Variants in DEK observed in about 807,000 individuals in gnomAD.
The protein encoded by DEK is protein DEK.
Under a neutral mutation model 46.8 loss-of-function variants are expected in DEK, and 28 were observed. The ratio of observed to expected loss-of-function variants is 0.60; its 90% CI spans 0.44 to 0.82. The LOEUF is 0.82. Ranked by LOEUF, DEK falls within the 40% of genes least tolerant of loss-of-function variation. The pLI, the probability that DEK is intolerant of heterozygous loss-of-function variation, is 0.00. For synonymous variants in DEK, 160 were observed against 144.5 expected (o/e 1.11, Z -0.77); for missense variants, 416 against 430.6 (o/e 0.97, Z 0.30).
chr6:18,261,020 T>C (rs12198777), intron 2 of DEK, among the ~76,000 whole-genome samples: 24,205 of 148,132 alleles, frequency 0.16, 2,336 homozygotes, highest in East Asian at 0.25. Flanking sequence ...AAACCTCTAC[T>C]AGGGCAGTGT....
chr6:18,249,752 T>C lies in DEK; in HGVS notation c.661A>G (p.Lys221Glu), dbSNP rs994009625. 1 of 1,613,990 alleles carries C rather than the reference T, an allele frequency of 6.2e-7. No homozygotes were observed. Among genetic ancestry groups the C allele is most frequent in the African/African-American group, 1.3e-5 (1 of 74,944 alleles). ...SGMARKAKRT[K>E]CPEILSDESS... The stretch of plus-strand genomic sequence containing the variant: ...TCATCTGACAGAATTTCAGGACATT[T>C]GGTTCGCTTAGCCTTCCTTGCCATT... The change falls in exon 7 of 11, where the codon AAA becomes GAA. Residue 221 changes from lysine (K) to glutamate (E), a missense_variant. By Grantham distance (56) the Lys-to-Glu change is moderately conservative. Coordinates refer to ENST00000652689, the MANE Select transcript of DEK (RefSeq NM_003472.4).
At chr6:18,264,289 TC>T in intron 1 of DEK, 95 bp downstream of exon 1, 1 of 178,366 alleles carries the variant, frequency 5.6e-6, no homozygotes, top group Non-Finnish European at 1.1e-5. Flanking sequence ...CCACGTCCCC[TC>T]CCCCGCCCCA....
intron 2 of DEK, among the ~76,000 whole-genome samples, chr6:18,259,842 A>G (rs1425885567): frequency 1.3e-5 from 2 of 152,238 alleles, no homozygotes; most frequent in African/African-American, 4.8e-5. Context: ...CACAGAAAGA[A>G]TACTTCAGGA....
chr6:18,248,582 G>A (rs1791225460), intron 7 of DEK, among the ~76,000 whole-genome samples: 1 of 151,908 alleles, frequency 6.6e-6, no homozygotes, highest in African/African-American at 2.4e-5. Context: ...TTTCTTAAAT[G>A]ATGAAGCATT....
At chr6:18,251,414 G>C (rs148239882) in intron 6 of DEK, among the ~76,000 whole-genome samples, 1 of 152,254 alleles carries the variant, frequency 6.6e-6, no homozygotes, top group Admixed American at 6.5e-5. Flanking sequence ...AGAAAAAGTG[G>C]CTGCTTTGTA....
intron 4 of DEK, among the ~76,000 whole-genome samples, chr6:18,257,732 A>C (rs1218855872): frequency 6.8e-6 from 1 of 147,256 alleles, no homozygotes; most frequent in Admixed American, 6.6e-5. Flanking sequence ...AAGAAAAAAA[A>C]AAGAAAAAGA....
At chr6:18,261,763 A>G (rs2151096445) in intron 2 of DEK, among the ~76,000 whole-genome samples, 1 of 152,348 alleles carries the variant, frequency 6.6e-6, no homozygotes, top group East Asian at 1.9e-4. Context: ...CATAGGTGGA[A>G]GAAACTCATC....
chr6:18,241,473 T>A (rs1047932986), intron 7 of DEK, among the ~76,000 whole-genome samples: 2 of 152,190 alleles, frequency 1.3e-5, no homozygotes, highest in African/African-American at 2.4e-5. Flanking sequence ...TACCATCAAT[T>A]TGATTAATCC....
intron 3 of DEK, 98 bp from the exon 4 acceptor site, chr6:18,258,160 G>A: frequency 9.2e-7 from 1 of 1,086,182 alleles, no homozygotes; most frequent in Non-Finnish European, 1.3e-6. Context: ...TAATTTACAT[G>A]TAACTCTGCT....
Position 18,225,687 on chromosome 6 carries a change from A to G in DEK, c.*32T>C. On this transcript the variant is annotated 3_prime_UTR_variant, in exon 11 of 11. Coordinates refer to ENST00000652689, the MANE Select transcript of DEK (RefSeq NM_003472.4). ...TGGTATAAATCAGATCTTCAAATCT[A>G]TGGGAACGAGTCATCTTCTCTGTCC... 1.2e-6 allele frequency: 2 copies of G among 1,609,378 alleles called. No homozygotes were observed. The highest frequency in any genetic ancestry group is 1.7e-6 in the Non-Finnish European group (2 of 1,177,112).
intron 2 of DEK, among the ~76,000 whole-genome samples, chr6:18,259,262 G>A (rs1460588741): frequency 6.6e-6 from 1 of 151,422 alleles, no homozygotes; most frequent in Admixed American, 6.6e-5. Flanking sequence ...AGGTGTGGTG[G>A]CTGGTGCCTG....
intron 9 of DEK, among the ~76,000 whole-genome samples, chr6:18,231,407 T>G (rs974309601): frequency 1.3e-5 from 2 of 151,928 alleles, no homozygotes; most frequent in Non-Finnish European, 2.9e-5. Flanking sequence ...AAAAAAACCT[T>G]CAAAAAAAGC....
intron 2 of DEK, among the ~76,000 whole-genome samples, chr6:18,259,430 A>AAAAAAAAAAAAAAAT (rs1554162685): frequency 4.1e-5 from 4 of 96,844 alleles, no homozygotes; most frequent in Non-Finnish European, 9.5e-5. Flanking sequence ...AAAAAAAAAA[A>AAAAAAAAAAAAAAAT]AAATCTAGAA....
In DEK at chr6:18,225,744, G is replaced by GA; in HGVS notation, c.1117-15dup. 6.2e-7 allele frequency: 1 copy of GA among 1,612,696 alleles called. No individual in the cohort carries two copies. The highest frequency in any genetic ancestry group is 8.5e-7 in the Non-Finnish European group (1 of 1,179,278). ...TCAAGAAATTAGCTGTAATGAAAGA[G>GA]AAACATTATTTTGCCATAAATCATA... On this transcript the variant is annotated splice_polypyrimidine_tract_variant and intron_variant, in intron 10 of 10. Coordinates refer to ENST00000652689, the MANE Select transcript of DEK (RefSeq NM_003472.4).
chr6:18,254,201 C>T (rs535404156), intron 6 of DEK, among the ~76,000 whole-genome samples: 1 of 152,162 alleles, frequency 6.6e-6, no homozygotes, highest in African/African-American at 2.4e-5. Context: ...TATGGTGGCA[C>T]ACGCCTATAA....
At position 18,256,529 on chromosome 6, in the gene DEK, A is replaced by G. The variant is rs932697608; in HGVS notation, c.358-74T>C. The G allele has an allele frequency of 2.4e-6, 3 of 1,259,982 alleles. No homozygotes were observed. The African/African-American group carries it at 4.5e-5, about 19-fold the overall frequency. The allele number at this position is 1,259,982 out of a possible 1,614,324, so 78.1% of individuals were successfully genotyped here. A position where few individuals can be genotyped will look rare whatever the true frequency, so the allele number is the denominator to read the frequency against. Reference sequence around the variant, plus strand: ...ACAAGAATAAATTCAAAGCCAATTCAAAGTCAACATCTTTATTTTCATACC... The same window carrying G: ...ACAAGAATAAATTCAAAGCCAATTCGAAGTCAACATCTTTATTTTCATACC... On this transcript the variant is annotated intron_variant, in intron 4 of 10. Coordinates refer to ENST00000652689, the MANE Select transcript of DEK (RefSeq NM_003472.4).
intron 4 of DEK, 95 bp from the exon 5 acceptor site, chr6:18,256,550 A>G (rs1791605725): frequency 4.0e-6 from 4 of 997,296 alleles, no homozygotes; most frequent in Non-Finnish European, 4.5e-6. Flanking sequence ...CTTTATTTTC[A>G]TACCTGTCTG....
At chr6:18,259,573 C>CTG (rs1791764256) in intron 2 of DEK, among the ~76,000 whole-genome samples, 1 of 151,862 alleles carries the variant, frequency 6.6e-6, no homozygotes, top group Non-Finnish European at 1.5e-5. Context: ...TATTTAATGC[C>CTG]TGTGTTGTGC....
At chr6:18,253,528 G>A (rs1791482411) in intron 6 of DEK, among the ~76,000 whole-genome samples, 1 of 152,166 alleles carries the variant, frequency 6.6e-6, no homozygotes, top group Non-Finnish European at 1.5e-5. Context: ...GTAAATGCAT[G>A]TTACAAAACT....
Sources: gnomAD v4.1 joint callset for allele counts (sites outside exome capture counted in the v4.1 genomes callset) on GRCh38, gnomAD v4.1.1 for gene constraint, MANE v1.5 for transcripts, NCBI Gene and HGNC (gene_info 2026-07-23, HGNC 2026-07-21) for gene names.